LZTFL1: variants seen among roughly 807,000 people sequenced by gnomAD.
LZTFL1 encodes leucine zipper transcription factor like 1.
LZTFL1 carries 25 observed loss-of-function variants against 45.9 expected under a neutral mutation model. That is an observed-to-expected ratio of 0.54 (90% CI 0.40 to 0.76). The LOEUF is 0.76. LZTFL1 is among the 30% of genes least tolerant of loss of function. The pLI, the probability that LZTFL1 is intolerant of heterozygous loss-of-function variation, is 0.00. For synonymous variants in LZTFL1, 93 were observed against 117.4 expected, an observed-to-expected ratio of 0.79 and a Z score of 1.35; for missense variants, 277 against 331.1, an observed-to-expected ratio of 0.84 and a Z score of 1.27.
At chr3:45,849,387 T>A (rs1009211518) in intron 4 of LZTFL1, among the ~76,000 whole-genome samples, 1 of 152,198 alleles carries the variant, frequency 6.6e-6, no homozygotes, top group Non-Finnish European at 1.5e-5. Flanking sequence ...AAATGTTAGA[T>A]GAGCTTTTAC....
At position 45,901,442 on chromosome 3, in the gene LZTFL1, G is replaced by A. The variant is rs374133687; in HGVS notation, c.-215+11678C>T. 2 of 1,614,006 alleles carry A rather than the reference G, an allele frequency of 1.2e-6. No individual in the cohort carries two copies. Among genetic ancestry groups the A allele is most frequent in the African/African-American group, 1.3e-5 (1 of 74,894 alleles). The stretch of plus-strand genomic sequence containing the variant: ...TGAAGTCAGCTGTCTTGACCCTGAA[G>A]GTCATTCTGGGGTTCTTCCTTCCCT... On this transcript the variant is annotated intron_variant, in intron 2 of 4. Coordinates refer to the LZTFL1 transcript ENST00000472635. This position sits in a 1 kb window ranked among gnomAD's most constrained non-coding sequence, Gnocchi z 4.3.
At position 45,826,248 on chromosome 3, in the gene LZTFL1, A is replaced by C; in HGVS notation, c.*66T>G. ...GGGATATGACAAAATGCTTTTCAAA[A>C]TACATGCCTGAGGTGAGACTGCTTG... On this transcript the variant is annotated 3_prime_UTR_variant, in exon 10 of 10. Transcript: ENST00000296135. The C allele has an allele frequency of 7.0e-7, 1 of 1,435,388 alleles. No homozygotes were observed. The highest frequency in any genetic ancestry group is 9.7e-7 in the Non-Finnish European group (1 of 1,025,892). The allele number at this position is 1,435,388 out of a possible 1,614,324, so 88.9% of individuals were successfully genotyped here. A position where few individuals can be genotyped will look rare whatever the true frequency, so the allele number is the denominator to read the frequency against.
intron 2 of LZTFL1, among the ~76,000 whole-genome samples, chr3:45,873,922 C>T (rs961764889): frequency 3.3e-5 from 5 of 152,122 alleles, no homozygotes; most frequent in African/African-American, 1.2e-4. Context: ...TCCCTATCAC[C>T]ATCAGTAGTG....
intron 2 of LZTFL1, among the ~76,000 whole-genome samples, chr3:45,884,970 G>A (rs1701941282): frequency 6.9e-6 from 1 of 145,288 alleles, no homozygotes; most frequent in Admixed American, 6.7e-5. Context: ...CCGAGGGAAG[G>A]GAATTTCACG....
At chr3:45,879,745 T>C (rs1313320440) in intron 2 of LZTFL1, among the ~76,000 whole-genome samples, 1 of 152,240 alleles carries the variant, frequency 6.6e-6, no homozygotes, top group East Asian at 1.9e-4. Context: ...GTGGCACATG[T>C]GCTGCGGGAG....
intron 2 of LZTFL1, among the ~76,000 whole-genome samples, chr3:45,872,605 T>C (rs1224192304): frequency 6.6e-6 from 1 of 152,208 alleles, no homozygotes; most frequent in African/African-American, 2.4e-5. Context: ...TTCTCCTTCC[T>C]AGGTCTGAGG....
chr3:45,882,653 G>A lies in LZTFL1; in HGVS notation c.-214-23637C>T, dbSNP rs761675156. Among the ~76,000 whole-genome samples the A allele has an allele frequency of 1.8e-4, 27 of 152,230 alleles. 1 individual carries two copies. The highest frequency in any genetic ancestry group is 3.4e-3 in the Middle Eastern group (1 of 294). On this transcript the variant is annotated intron_variant, in intron 2 of 4. Transcript: ENST00000472635. Reference sequence around the variant, plus strand: ...TGTAATGAACAGACTCAGCACTCCTGTTGGCCCCTGCAACAAAGTCAGCTT... The same window carrying A: ...TGTAATGAACAGACTCAGCACTCCTATTGGCCCCTGCAACAAAGTCAGCTT...
At chr3:45,883,142 T>C (rs945597611) in intron 2 of LZTFL1, among the ~76,000 whole-genome samples, 1 of 152,236 alleles carries the variant, frequency 6.6e-6, no homozygotes, top group African/African-American at 2.4e-5. Context: ...CCCTAGAATA[T>C]GTAACCATCA....
At chr3:45,891,026 C>T (rs1243482966) in intron 2 of LZTFL1, among the ~76,000 whole-genome samples, 4 of 152,154 alleles carry the variant, frequency 2.6e-5, no homozygotes, top group East Asian at 1.9e-4. Context: ...AGGAAGATTA[C>T]GGGTGATTTT....
intron 2 of LZTFL1, among the ~76,000 whole-genome samples, chr3:45,867,750 G>C (rs1312268256): frequency 1.3e-5 from 2 of 152,068 alleles, no homozygotes; most frequent in African/African-American, 4.8e-5. Flanking sequence ...AGGCTGATGT[G>C]GGAGGATCAC....
Position 45,901,072 on chromosome 3 carries a change from T to C in LZTFL1, c.-215+12048A>G, listed in dbSNP as rs1393516511. The C allele has an allele frequency of 1.2e-6, 2 of 1,614,194 alleles. No individual in the cohort carries two copies. The highest frequency in any genetic ancestry group is 2.2e-5 in the South Asian group (2 of 91,080). ...CTTTTGAATTTGGCAATTGCTGACC[T>C]CCTCTTTCTTGTCACTCTTCCCTTC... is the stretch of plus-strand genomic sequence containing the variant. On this transcript the variant is annotated intron_variant, in intron 2 of 4. Coordinates refer to the LZTFL1 transcript ENST00000472635. This position sits in a 1 kb window ranked among gnomAD's most constrained non-coding sequence, Gnocchi z 4.3.
At chr3:45,866,054 C>A (rs926285307) in intron 2 of LZTFL1, among the ~76,000 whole-genome samples, 4 of 152,158 alleles carry the variant, frequency 2.6e-5, no homozygotes, top group African/African-American at 4.8e-5. Context: ...CTATGTATTA[C>A]AATTTATATA....
intron 2 of LZTFL1, among the ~76,000 whole-genome samples, chr3:45,872,796 G>A (rs1386111110): frequency 6.6e-6 from 1 of 152,180 alleles, no homozygotes; most frequent in Non-Finnish European, 1.5e-5. Context: ...TGATGGGGGA[G>A]GGGATTCCAG....
At chr3:45,830,282 C>T (rs992157711) in intron 7 of LZTFL1, among the ~76,000 whole-genome samples, 21 of 152,320 alleles carry the variant, frequency 1.4e-4, no homozygotes, top group Admixed American at 3.9e-4. Flanking sequence ...CTGCAGCATG[C>T]ACACTCAACA....
At chr3:45,879,033 A>G (rs1701803794) in intron 2 of LZTFL1, among the ~76,000 whole-genome samples, 1 of 152,224 alleles carries the variant, frequency 6.6e-6, no homozygotes, top group South Asian at 2.1e-4. Context: ...AATGATATGG[A>G]GCATCAGGAA....
intron 2 of LZTFL1, among the ~76,000 whole-genome samples, chr3:45,881,849 T>C (rs1701866314): frequency 6.6e-6 from 1 of 152,228 alleles, no homozygotes; most frequent in South Asian, 2.1e-4. Context: ...ATGTGAGCTA[T>C]CTAAGGCTAG....
chr3:45,834,259 C>T lies in LZTFL1; in HGVS notation c.363G>A (p.Glu121=), dbSNP rs770707574. The T allele has an allele frequency of 6.3e-7, 1 of 1,595,744 alleles. No homozygotes were observed. The highest frequency in any genetic ancestry group is 8.6e-7 in the Non-Finnish European group (1 of 1,165,230). The stretch of plus-strand genomic sequence containing the variant: ...TTACCTTTTTGTTTGAAGATGTAAT[C>T]TCTGCTTTTTCAAATTCTGCAACTT... ...LEQVAEFEKA[E]ITSSNKKPIL... The change falls in exon 4 of 10, where the codon GAG becomes GAA. Residue 121 remains glutamate, a synonymous_variant. Coordinates refer to ENST00000296135, the MANE Select transcript of LZTFL1 (RefSeq NM_020347.4).
At chr3:45,869,492 GC>G (rs935472436) in intron 2 of LZTFL1, among the ~76,000 whole-genome samples, 1 of 152,142 alleles carries the variant, frequency 6.6e-6, no homozygotes, top group African/African-American at 2.4e-5. Flanking sequence ...ATTACCCTGG[GC>G]CCCCAAGTTC....
At chr3:45,875,050 T>C (rs1418171786) in intron 2 of LZTFL1, among the ~76,000 whole-genome samples, 1 of 146,642 alleles carries the variant, frequency 6.8e-6, no homozygotes, top group African/African-American at 2.4e-5. Context: ...TGTAGAATCA[T>C]GAGCTAAATA....
Sources: gnomAD v4.1 joint callset for allele counts (sites outside exome capture counted in the v4.1 genomes callset) on GRCh38, gnomAD v4.1.1 for gene constraint, Gnocchi (gnomAD v3.1) non-coding constraint, MANE v1.5 for transcripts, NCBI Gene and HGNC (gene_info 2026-07-23, HGNC 2026-07-21) for gene names.